The following RHOBTB3 variants were observed in gnomAD, a reference collection of about 807,000 sequenced individuals.
RHOBTB3 encodes the protein rho-related BTB domain-containing protein 3.
RHOBTB3 carries 47 observed loss-of-function variants against 67.2 expected under a neutral mutation model. The observed-to-expected ratio is 0.70, with a 90% CI of 0.55 to 0.89. The LOEUF (loss-of-function observed/expected upper bound fraction) is 0.89. Among genes scored for constraint, RHOBTB3 ranks in the 40% least tolerant of loss-of-function variants. The pLI, the probability that RHOBTB3 is intolerant of heterozygous loss-of-function variation, is 0.00. For synonymous variants in RHOBTB3, 273 were observed against 274.2 expected (o/e 1.00, Z 0.04); for missense variants, 631 against 750.0 (o/e 0.84, Z 1.85).
intron 4 of RHOBTB3, 36 bp downstream of exon 4, chr5:95,748,523 G>C (rs771155126): frequency 6.5e-7 from 1 of 1,532,464 alleles, no homozygotes; most frequent in South Asian, 1.2e-5. Flanking sequence ...AAAGTTATTT[G>C]TCAGGTTGCC....
rs1354519015 is a variant in RHOBTB3 at position 95,732,041 on chromosome 5, C to T, written c.185C>T (p.Ala62Val). 4.3e-6 allele frequency: 7 copies of T among 1,614,038 alleles called. No individual in the cohort carries two copies. Among genetic ancestry groups the T allele is most frequent in the African/African-American group, 1.3e-5 (1 of 74,912 alleles). ...GTGTTCACCGAGTATCAGGCCAGTG[C>T]GTTTGGGAATGTCAAGCTGGTGGTC... is the stretch of plus-strand genomic sequence containing the variant. Reference protein sequence around the residue: ...RPVFTEYQASAFGNVKLVVHD... With the variant: ...RPVFTEYQASVFGNVKLVVHD... The change falls in exon 2 of 12, where the codon GCG becomes GTG. Residue 62 changes from alanine to valine, a missense_variant. Coordinates refer to ENST00000379982, the MANE Select transcript of RHOBTB3 (RefSeq NM_014899.4).
rs770844738 is a variant in RHOBTB3, at chr5:95,793,185, T to C, written c.*11T>C. 3 of 1,500,766 alleles carry C rather than the reference T, an allele frequency of 2.0e-6. No homozygotes were observed. Among genetic ancestry groups the C allele is most frequent in the Non-Finnish European group, 2.8e-6 (3 of 1,086,110 alleles). The allele number at this position is 1,500,766 out of a possible 1,614,324, so 93.0% of individuals were successfully genotyped here. A position where few individuals can be genotyped will look rare whatever the true frequency, so the allele number is the denominator to read the frequency against. On this transcript the variant is annotated 3_prime_UTR_variant, in exon 12 of 12. Transcript: ENST00000379982. ...TGCTTAGTAATGTAACCTGGAGCTT[T>C]TATACACTACATTTCTTTTTTATTA... is the stretch of plus-strand genomic sequence containing the variant.
chr5:95,737,476 A>G (rs1048933630), intron 3 of RHOBTB3, among the ~76,000 whole-genome samples: 2 of 152,212 alleles, frequency 1.3e-5, no homozygotes, highest in Non-Finnish European at 2.9e-5. Context: ...TTTTAGGTAG[A>G]TAACAATGAG....
At chr5:95,775,703 T>C (rs1158938127) in intron 8 of RHOBTB3, among the ~76,000 whole-genome samples, 2 of 151,992 alleles carry the variant, frequency 1.3e-5, no homozygotes, top group Non-Finnish European at 2.9e-5. Context: ...AAAATGAATG[T>C]CTAATTTTGG....
chr5:95,785,894 G>GC (rs1375642815), intron 10 of RHOBTB3, among the ~76,000 whole-genome samples: 3 of 151,964 alleles, frequency 2.0e-5, no homozygotes, highest in African/African-American at 7.3e-5. Context: ...TCCCCTCACT[G>GC]CCCCCCTACA....
intron 4 of RHOBTB3, chr5:95,751,482 AG>A (rs1187116619): frequency 6.6e-6 from 1 of 151,116 alleles, no homozygotes; most frequent in African/African-American, 2.4e-5. Flanking sequence ...AAAAAAAAAA[AG>A]AATATATATA....
At position 95,764,512 on chromosome 5, in the gene RHOBTB3, A is replaced by G. The variant is rs191518005; in HGVS notation, c.1161+892A>G. On this transcript the variant is annotated intron_variant, in intron 7 of 11. Transcript: ENST00000379982. ...CACATTAAAACTCTAGTAACTTGGT[A>G]TTGTGTAGTCTGTAAGGGCTTTAAA... 3.8e-3 allele frequency among the ~76,000 whole-genome samples: 575 copies of G among 152,336 alleles called. 5 individuals are homozygous for G. Among genetic ancestry groups the G allele is most frequent in the Non-Finnish European group, 4.6e-3 (310 of 68,024 alleles).
Position 95,755,741 on chromosome 5 carries a change from T to C in RHOBTB3, c.1028T>C (p.Ile343Thr), listed in dbSNP as rs1745226138. Residue 343 changes from isoleucine (I) to threonine (T), a missense_variant, in exon 6 of 12, where the codon ATC becomes ACC. Physicochemically the swap from Ile to Thr is moderately conservative, Grantham distance 89. Transcript: ENST00000379982. The stretch of plus-strand genomic sequence containing the variant: ...CTCTTCTGTTCTTGTTTATCAGACA[T>C]CCTTCGCTTCATTTATTCAGGTATC... ...DALFCSCLSD[I>T]LRFIYSGAFQ... The C allele has an allele frequency of 6.2e-7, 1 of 1,613,582 alleles. No individual in the cohort carries two copies.
At chr5:95,720,859 A>G (rs918316025) in intron 1 of RHOBTB3, among the ~76,000 whole-genome samples, 1 of 152,226 alleles carries the variant, frequency 6.6e-6, no homozygotes, top group Admixed American at 6.5e-5. Context: ...GTTCACCTAC[A>G]AAAAGAACTG....
At chr5:95,732,142 TC>T (rs747226846) in intron 2 of RHOBTB3, 58 bp downstream of exon 2, 5 of 1,485,654 alleles carry the variant, frequency 3.4e-6, no homozygotes, top group Non-Finnish European at 4.7e-6. Flanking sequence ...TCCTTTTTTT[TC>T]CCCCTCCCCC....
At chr5:95,777,094 C>CTGCAAAAAAT (rs1193867343) in intron 8 of RHOBTB3, among the ~76,000 whole-genome samples, 1 of 152,162 alleles carries the variant, frequency 6.6e-6, no homozygotes, top group Non-Finnish European at 1.5e-5. Flanking sequence ...AAAAAAATTA[C>CTGCAAAAAAT]TATAGCAGTT....
chr5:95,721,782 CAG>C (rs1754890170), intron 1 of RHOBTB3, among the ~76,000 whole-genome samples: 1 of 146,058 alleles, frequency 6.8e-6, no homozygotes, highest in Admixed American at 6.8e-5. Context: ...AGGAAAAAAA[CAG>C]AAAGTGAAAA....
chr5:95,739,441 A>C (rs1755540573), intron 3 of RHOBTB3, among the ~76,000 whole-genome samples: 2 of 152,242 alleles, frequency 1.3e-5, no homozygotes, highest in South Asian at 2.1e-4. Context: ...AAGGAAAAAA[A>C]CCCACAAAAT....
At chr5:95,779,392 C>G (rs1157656279) in intron 8 of RHOBTB3, among the ~76,000 whole-genome samples, 1 of 152,114 alleles carries the variant, frequency 6.6e-6, no homozygotes, top group Non-Finnish European at 1.5e-5. Flanking sequence ...TGAAGTGATC[C>G]AGGCTGAACT....
At chr5:95,762,709 C>T (rs1189436316) in intron 6 of RHOBTB3, among the ~76,000 whole-genome samples, 1 of 152,048 alleles carries the variant, frequency 6.6e-6, no homozygotes, top group Non-Finnish European at 1.5e-5. Flanking sequence ...GAAAACTCAC[C>T]AGCTTTGAGT....
chr5:95,781,002 A>G (rs1746031500), intron 9 of RHOBTB3, among the ~76,000 whole-genome samples: 1 of 152,202 alleles, frequency 6.6e-6, no homozygotes, highest in Non-Finnish European at 1.5e-5. Context: ...TACCCAGTGG[A>G]CTGTAGGATT....
intron 11 of RHOBTB3, chr5:95,789,608 A>C (rs1339714272): frequency 6.6e-6 from 1 of 152,216 alleles, no homozygotes; most frequent in East Asian, 1.9e-4. Flanking sequence ...GGAGTTTCAC[A>C]ATCTGGACAA....
upstream of RHOBTB3, among the ~76,000 whole-genome samples, chr5:95,728,953 A>C (rs1415656782): frequency 5.3e-5 from 8 of 152,232 alleles, no homozygotes; most frequent in Non-Finnish European, 1.2e-4. Flanking sequence ...CTCCACCAGC[A>C]CAATGAGTCT....
chr5:95,738,949 C>T (rs906681310), intron 3 of RHOBTB3, among the ~76,000 whole-genome samples: 2 of 152,166 alleles, frequency 1.3e-5, no homozygotes, highest in East Asian at 3.8e-4. Flanking sequence ...CCTTTCTCCC[C>T]TCCTCCCACA....
Sources: allele counts gnomAD v4.1 joint callset (sites outside exome capture counted in the v4.1 genomes callset), GRCh38; gene constraint gnomAD v4.1.1; transcripts MANE v1.5; gene names NCBI Gene and HGNC (gene_info 2026-07-23, HGNC 2026-07-21).